The following KIAA1549L variants were observed in gnomAD, a reference collection of about 807,000 sequenced individuals.
KIAA1549L encodes the protein UPF0606 protein KIAA1549L.
In KIAA1549L, 88 loss-of-function variants were observed where a neutral mutation model predicts 160.7. The observed-to-expected ratio is 0.55, with a 90% confidence interval of 0.46 to 0.65. The LOEUF is 0.65. Among genes scored for constraint, KIAA1549L ranks in the 30% least tolerant of loss-of-function variants. The probability of loss-of-function intolerance (pLI) is 0.00; values close to 1 mark genes in which losing one functional copy is unlikely to be tolerated. For missense variants in KIAA1549L, 2,258 were observed against 2,437.5 expected (o/e 0.93, Z 1.55); for synonymous variants, 950 against 976.7 (o/e 0.97, Z 0.51).
intron 1 of KIAA1549L, among the ~76,000 whole-genome samples, chr11:33,447,220 C>T (rs745387051): frequency 6.6e-6 from 1 of 152,096 alleles, no homozygotes; most frequent in Non-Finnish European, 1.5e-5. Flanking sequence ...ATGAACATAG[C>T]ACACCCTGAA....
At chr11:33,454,202 C>T (rs1338294600) in intron 1 of KIAA1549L, among the ~76,000 whole-genome samples, 1 of 152,170 alleles carries the variant, frequency 6.6e-6, no homozygotes, top group East Asian at 1.9e-4. Context: ...GCATTAAAAC[C>T]AGAATTTACT....
intron 13 of KIAA1549L, among the ~76,000 whole-genome samples, chr11:33,605,571 C>A (rs1258889357): frequency 1.3e-5 from 2 of 152,128 alleles, no homozygotes; most frequent in Admixed American, 1.3e-4. Context: ...GTAAAAATAA[C>A]AATTTACTTG....
intron 1 of KIAA1549L, among the ~76,000 whole-genome samples, chr11:33,392,978 A>G (rs1430810480): frequency 6.6e-6 from 1 of 151,844 alleles, no homozygotes; most frequent in Non-Finnish European, 1.5e-5. Context: ...GCATCTCCTA[A>G]TTGTCCCCTG....
chr11:33,614,531 G>GCTACAT (rs879500574), intron 15 of KIAA1549L, among the ~76,000 whole-genome samples: 4 of 27,104 alleles, frequency 1.5e-4, no homozygotes, highest in Non-Finnish European at 2.6e-4. Context: ...AGTGTAACAA[G>GCTACAT]ATATATATAT....
chr11:33,450,431 A>G (rs1851696376), intron 1 of KIAA1549L, among the ~76,000 whole-genome samples: 1 of 152,098 alleles, frequency 6.6e-6, no homozygotes, highest in Non-Finnish European at 1.5e-5. Context: ...ATGGTGGTGC[A>G]CACCTGTAGT....
Position 33,574,829 on chromosome 11 carries a change from G to C in KIAA1549L, c.4358G>C (p.Arg1453Thr). The C allele has an allele frequency of 6.2e-7, 1 of 1,614,028 alleles. No homozygotes were observed. Among genetic ancestry groups the C allele is most frequent in the South Asian group, 1.1e-5 (1 of 91,086 alleles). The change falls in exon 10 of 21, where the codon AGG (arginine) becomes ACG (threonine). Residue 1453 changes from arginine to threonine, a missense_variant. Physicochemically the swap from Arg to Thr is moderately conservative, Grantham distance 71 (BLOSUM62 -1). This residue lies in a region of KIAA1549L where 1,359 missense variants were observed against 1,546.6 expected (regional missense o/e 0.88). Coordinates refer to ENST00000658780, the MANE Select transcript of KIAA1549L (RefSeq NM_012194.3). ...ATCCTGAGCACCATTGATTCCCAAAGGATGGCCTTGACCCTTCATCACGTT... is the reference window on the plus strand; with the variant it reads ...ATCCTGAGCACCATTGATTCCCAAACGATGGCCTTGACCCTTCATCACGTT... ...AKILSTIDSQ[R>T]MALTLHHVVL...
At chr11:33,631,494 A>G (rs1851288229) in intron 16 of KIAA1549L, among the ~76,000 whole-genome samples, 1 of 152,158 alleles carries the variant, frequency 6.6e-6, no homozygotes, top group Non-Finnish European at 1.5e-5. Flanking sequence ...CCTGTACGTT[A>G]CAGGGTTTTT....
chr11:33,412,743 CTTG>C (rs1485988028), intron 1 of KIAA1549L, among the ~76,000 whole-genome samples: 4 of 152,188 alleles, frequency 2.6e-5, no homozygotes, highest in African/African-American at 9.7e-5. Flanking sequence ...GTCTGTTTGA[CTTG>C]TTATTGTGAT....
chr11:33,571,588 C>T (rs1264508492), intron 9 of KIAA1549L, among the ~76,000 whole-genome samples: 2 of 152,046 alleles, frequency 1.3e-5, no homozygotes, highest in East Asian at 1.9e-4. Context: ...TCTCACATGG[C>T]AGGAGTAGAA....
intron 8 of KIAA1549L, among the ~76,000 whole-genome samples, chr11:33,567,004 G>T (rs2133231062): frequency 6.6e-6 from 1 of 152,304 alleles, no homozygotes; most frequent in Admixed American, 6.5e-5. Context: ...GTTTCCCAAG[G>T]GATGTGGAAC....
chr11:33,494,266 A>G (rs1852763125), intron 1 of KIAA1549L, among the ~76,000 whole-genome samples: 1 of 152,262 alleles, frequency 6.6e-6, no homozygotes, highest in Non-Finnish European at 1.5e-5. Flanking sequence ...CAAGAAAACC[A>G]AAACTTAATG....
intron 1 of KIAA1549L, among the ~76,000 whole-genome samples, chr11:33,486,566 T>G (rs1852532559): frequency 6.6e-6 from 1 of 152,234 alleles, no homozygotes; most frequent in South Asian, 2.1e-4. Flanking sequence ...TTTAATTAAG[T>G]CTTTGTAATA....
chr11:33,645,645 A>G (rs751581153), intron 16 of KIAA1549L, 41 bp from the exon 17 acceptor site: 116 of 1,433,288 alleles, frequency 8.1e-5, no homozygotes, highest in Non-Finnish European at 1.1e-4. Flanking sequence ...CTTCACGGGA[A>G]GGAAAGTAAA....
chr11:33,530,745 G>T (rs1412528336), intron 1 of KIAA1549L, among the ~76,000 whole-genome samples: 1 of 151,982 alleles, frequency 6.6e-6, no homozygotes, highest in African/African-American at 2.4e-5. Context: ...CATAGGGATT[G>T]TGATGACAAA....
chr11:33,533,682 A>C (rs894008366), intron 1 of KIAA1549L, among the ~76,000 whole-genome samples: 4 of 152,218 alleles, frequency 2.6e-5, no homozygotes, highest in Non-Finnish European at 5.9e-5. Context: ...AGACAAGCTT[A>C]GTGAAAATGT....
rs746369987 is a variant in KIAA1549L, at chr11:33,668,124, A to G, written c.6411A>G (p.Lys2137=). ...IREEVAKLAK[K]QTDMFEFQV ...AGGAGGTGGCCAAGCTGGCCAAAAA[A>G]CAGACAGACATGTTTGAGTTCCAGG... The change falls in exon 21 of 21, where the codon AAA becomes AAG. Residue 2137 remains lysine (K), a synonymous_variant. Coordinates refer to ENST00000658780, the MANE Select transcript of KIAA1549L (RefSeq NM_012194.3). 2 of 1,613,828 alleles carry G rather than the reference A, an allele frequency of 1.2e-6. No homozygotes were observed. Among genetic ancestry groups the G allele is most frequent in the East Asian group, 2.2e-5 (1 of 44,882 alleles).
intron 1 of KIAA1549L, among the ~76,000 whole-genome samples, chr11:33,514,195 T>C (rs1305294445): frequency 6.6e-6 from 1 of 152,218 alleles, no homozygotes; most frequent in Admixed American, 6.5e-5. Flanking sequence ...GCTTATCTCA[T>C]TGAAGATTAA....
intron 1 of KIAA1549L, among the ~76,000 whole-genome samples, chr11:33,436,731 G>T (rs1304624744): frequency 6.6e-6 from 1 of 152,198 alleles, no homozygotes; most frequent in Non-Finnish European, 1.5e-5. Flanking sequence ...CTGAACCCAA[G>T]CAAGCGCAGT....
chr11:33,430,134 T>C (rs1189960458), intron 1 of KIAA1549L, among the ~76,000 whole-genome samples: 1 of 141,900 alleles, frequency 7.0e-6, no homozygotes, highest in African/African-American at 2.6e-5. Flanking sequence ...GTTATGATAA[T>C]GTTCATTATG....
Sources: allele counts gnomAD v4.1 joint callset (sites outside exome capture counted in the v4.1 genomes callset), GRCh38; gene constraint gnomAD v4.1.1; regional missense constraint gnomAD v4.1.1; transcripts MANE v1.5; gene names NCBI Gene and HGNC (gene_info 2026-07-23, HGNC 2026-07-21).